Variants in NALCN observed in about 807,000 individuals in gnomAD.
NALCN encodes sodium leak channel NALCN.
A neutral mutation model predicts 225.3 loss-of-function variants in NALCN; 111 were observed. That is an observed-to-expected ratio of 0.49 (90% CI 0.42 to 0.58). The LOEUF (loss-of-function observed/expected upper bound fraction) is 0.58. Ranked by LOEUF, NALCN falls within the 20% of genes least tolerant of loss-of-function variation. The pLI is 0.00. For synonymous variants in NALCN, 764 were observed against 769.0 expected (o/e 0.99, Z 0.11); for missense variants, 1,378 against 2,202.4 (o/e 0.63, Z 7.49).
chr13:101,397,129 TA>T (rs1248440303), intron 2 of NALCN, among the ~76,000 whole-genome samples: 1 of 121,192 alleles, frequency 8.3e-6, no homozygotes, highest in Non-Finnish European at 1.6e-5. Flanking sequence ...TACATATATA[TA>T]ATGTGTGCAT....
In NALCN at chr13:101,176,390, A is replaced by G. The variant is rs779504425; in HGVS notation, c.1765-16T>C. The G allele has an allele frequency of 6.3e-7, 1 of 1,578,826 alleles. No homozygotes were observed. Among genetic ancestry groups the G allele is most frequent in the Admixed American group, 1.9e-5 (1 of 52,160 alleles). ...TCAGGAGGATCTATAAAATGGTGAAATAACAATGAAAAAACCCACATGCCA... is the reference window on the plus strand; with the variant it reads ...TCAGGAGGATCTATAAAATGGTGAAGTAACAATGAAAAAACCCACATGCCA... On this transcript the variant is annotated splice_polypyrimidine_tract_variant and intron_variant, in intron 14 of 43. Coordinates refer to ENST00000251127, the MANE Select transcript of NALCN (RefSeq NM_052867.4).
intron 43 of NALCN, among the ~76,000 whole-genome samples, chr13:101,055,944 C>T (rs1229724290): frequency 2.0e-5 from 3 of 152,068 alleles, no homozygotes; most frequent in Admixed American, 6.5e-5. Flanking sequence ...TGTTGGGACC[C>T]ACCTCTGCAA....
At chr13:101,228,085 A>G (rs951924060) in intron 13 of NALCN, among the ~76,000 whole-genome samples, 1 of 151,990 alleles carries the variant, frequency 6.6e-6, no homozygotes, top group African/African-American at 2.4e-5. Flanking sequence ...CCTCCCCTCA[A>G]CTGAGAATTT....
Position 101,104,720 on chromosome 13 carries a change from G to A in NALCN, c.2637-70C>T. ...AAGGCTTCTAAGAGTTAGAGATGAT[G>A]GCTTCTGTGGCTCTATCAACATGAC... On this transcript the variant is annotated intron_variant, in intron 23 of 43. Transcript: ENST00000251127. The surrounding 1 kb of genome is among the most constrained non-coding windows in gnomAD (Gnocchi z 4.2). 6.3e-7 allele frequency: 1 copy of A among 1,595,114 alleles called. No individual in the cohort carries two copies. Among genetic ancestry groups the A allele is most frequent in the Non-Finnish European group, 8.6e-7 (1 of 1,167,918 alleles).
chr13:101,132,839 T>C, intron 17 of NALCN, among the ~76,000 whole-genome samples: 1 of 152,272 alleles, frequency 6.6e-6, no homozygotes, highest in Middle Eastern at 3.4e-3. Context: ...TCTGCTTGAC[T>C]TGAAATATTT....
At chr13:101,303,759 C>T (rs1356920406) in intron 7 of NALCN, among the ~76,000 whole-genome samples, 6 of 152,102 alleles carry the variant, frequency 3.9e-5, no homozygotes, top group Admixed American at 6.5e-5. Context: ...ATTGGCAAGA[C>T]GGCTGCACCA....
intron 10 of NALCN, among the ~76,000 whole-genome samples, chr13:101,266,511 T>C (rs2042602335): frequency 6.6e-6 from 1 of 152,168 alleles, no homozygotes; most frequent in South Asian, 2.1e-4. Flanking sequence ...TTGCAATAAA[T>C]ATAAATTAGG....
intron 3 of NALCN, among the ~76,000 whole-genome samples, chr13:101,390,000 T>C (rs1241101520): frequency 6.6e-6 from 1 of 152,198 alleles, no homozygotes; most frequent in East Asian, 1.9e-4. Flanking sequence ...GAGAATTGCT[T>C]GAACCCAGAA....
At position 101,395,466 on chromosome 13, in the gene NALCN, T is replaced by C; in HGVS notation, c.109-101A>G. The C allele has an allele frequency of 3.5e-6, 4 of 1,126,924 alleles. No homozygotes were observed. The Admixed American group carries it at 7.8e-5, about 22-fold the overall frequency. The allele number at this position is 1,126,924 out of a possible 1,614,324, so 69.8% of individuals were successfully genotyped here. A position where few individuals can be genotyped will look rare whatever the true frequency, so the allele number is the denominator to read the frequency against. ...GGAAAACATAATACTGAGGTTAAAA[T>C]AGTTTACTAATGTGGAGGTGAAGAA... On this transcript the variant is annotated intron_variant, in intron 2 of 43. Transcript: ENST00000251127.
rs760331955 is a variant in NALCN at position 101,111,128 on chromosome 13, C to A, written c.2291G>T (p.Arg764Leu). 4 of 1,604,274 alleles carry A rather than the reference C, an allele frequency of 2.5e-6. No individual in the cohort carries two copies. The highest frequency in any genetic ancestry group is 2.2e-5 in the East Asian group (1 of 44,582). The part of the protein sequence containing the change: ...LSVQHHIRQE[R>L]RSLRHGSNSQ... ...CCCTGTCTTCCCAAGTATTTACCTG[C>A]GCTCTTGGCGGATATGATGCTGCAC... Residue 764 changes from arginine (R) to leucine (L), a missense_variant, in exon 19 of 44, where the codon CGC (arginine) becomes CTC (leucine). Arg to Leu is a moderately radical substitution (Grantham distance 102). Coordinates refer to ENST00000251127, the MANE Select transcript of NALCN (RefSeq NM_052867.4).
intron 11 of NALCN, among the ~76,000 whole-genome samples, chr13:101,239,536 A>G (rs1474009564): frequency 1.3e-5 from 2 of 152,050 alleles, no homozygotes; most frequent in African/African-American, 2.4e-5. Context: ...ATTAAGGGAT[A>G]TAGGTCCTAT....
intron 34 of NALCN, among the ~76,000 whole-genome samples, chr13:101,080,458 T>C (rs1186553538): frequency 2.7e-5 from 4 of 149,306 alleles, no homozygotes; most frequent in Non-Finnish European, 5.9e-5. Context: ...GAAAATATAA[T>C]TATTAAATTG....
At chr13:101,150,675 T>G (rs2037603490) in intron 15 of NALCN, among the ~76,000 whole-genome samples, 1 of 152,186 alleles carries the variant, frequency 6.6e-6, no homozygotes, top group Non-Finnish European at 1.5e-5. Flanking sequence ...TTCTTTCCCC[T>G]TTTTTGCATT....
chr13:101,182,902 G>A (rs1178407627), intron 14 of NALCN, among the ~76,000 whole-genome samples: 1 of 152,168 alleles, frequency 6.6e-6, no homozygotes, highest in African/African-American at 2.4e-5. Flanking sequence ...AGAAGTGAAG[G>A]AAGAATGGCA....
intron 12 of NALCN, among the ~76,000 whole-genome samples, chr13:101,230,806 C>A (rs1038772405): frequency 1.3e-5 from 2 of 151,528 alleles, no homozygotes; most frequent in Non-Finnish European, 2.9e-5. Context: ...TATATGTACT[C>A]AACTATTCTC....
chr13:101,126,075 T>A (rs1212017060), intron 17 of NALCN, among the ~76,000 whole-genome samples: 2 of 152,172 alleles, frequency 1.3e-5, no homozygotes, highest in Non-Finnish European at 2.9e-5. Flanking sequence ...AACAAAGCTA[T>A]GAACAAATGC....
chr13:101,079,615 T>C (rs752255038), intron 34 of NALCN, among the ~76,000 whole-genome samples: 4 of 152,196 alleles, frequency 2.6e-5, no homozygotes, highest in Non-Finnish European at 5.9e-5. Flanking sequence ...ATTATACTCA[T>C]AGATTTGTGA....
chr13:101,402,378 T>C (rs2047500355), intron 1 of NALCN, among the ~76,000 whole-genome samples: 1 of 152,250 alleles, frequency 6.6e-6, no homozygotes, highest in African/African-American at 2.4e-5. Flanking sequence ...CCATGTTCAT[T>C]GCTGTTTTAA....
chr13:101,197,948 A>C (rs1165177181), intron 13 of NALCN, among the ~76,000 whole-genome samples: 2 of 152,180 alleles, frequency 1.3e-5, no homozygotes, highest in African/African-American at 4.8e-5. Flanking sequence ...AAGAAAACAT[A>C]TTGAATAAAC....
Sources: allele counts gnomAD v4.1 joint callset (sites outside exome capture counted in the v4.1 genomes callset), GRCh38; gene constraint gnomAD v4.1.1; non-coding constraint Gnocchi (gnomAD v3.1); transcripts MANE v1.5; gene names NCBI Gene and HGNC (gene_info 2026-07-23, HGNC 2026-07-21).